Variants in KCNK16 observed in about 807,000 individuals in gnomAD.
KCNK16 encodes potassium channel subfamily K member 16.
A neutral mutation model predicts 23.0 loss-of-function variants in KCNK16; 23 were observed. That is an observed-to-expected ratio of 1.00 (90% CI 0.72 to 1.41). The LOEUF is 1.41. KCNK16 is among the 40% of genes most tolerant of loss of function. The pLI is 0.00. For missense variants in KCNK16, 327 were observed against 365.8 expected (o/e 0.89, Z 0.87); for synonymous variants, 145 against 153.5 (o/e 0.94, Z 0.41).
chr6:39,316,948 C>G lies in KCNK16; in HGVS notation c.496-1G>C. Reference sequence around the variant, plus strand: ...GAGCCAGGCCCAGGACTTGCAGTACCTAGGAGGGAGGGAGTTGGCCTCTGA... The same window carrying G: ...GAGCCAGGCCCAGGACTTGCAGTACGTAGGAGGGAGGGAGTTGGCCTCTGA... On this transcript the variant is annotated splice_acceptor_variant, in intron 3 of 4. Coordinates refer to ENST00000437525, the MANE Select transcript of KCNK16 (RefSeq NM_001135106.2). LOFTEE classifies it high-confidence loss of function. 6.2e-7 allele frequency: 1 copy of G among 1,608,922 alleles called. No homozygotes were observed. The highest frequency in any genetic ancestry group is 1.1e-5 in the South Asian group (1 of 90,546).
intron 1 of KCNK16, among the ~76,000 whole-genome samples, chr6:39,320,148 C>T (rs1366369160): frequency 2.0e-5 from 3 of 152,300 alleles, no homozygotes; most frequent in Admixed American, 6.5e-5. Context: ...GGTGGGTGTG[C>T]TTAGATCAGG....
At position 39,319,054 on chromosome 6, in the gene KCNK16, C is replaced by T. The variant is rs770709185; in HGVS notation, c.293G>A (p.Ser98Asn). 6.2e-7 allele frequency: 1 copy of T among 1,614,102 alleles called. No individual in the cohort carries two copies. Among genetic ancestry groups the T allele is most frequent in the Non-Finnish European group, 8.5e-7 (1 of 1,179,978 alleles). ...TNPSNWDFGS[S>N]FFFAGTVVTT... ...GACGACTGTGCCTGCAAAGAAGAAA[C>T]TGCTGCCAAAGTCCCAGTTGCTGGG... Residue 98 changes from serine (S) to asparagine (N), a missense_variant, in exon 2 of 5, where the codon AGT (serine) becomes AAT (asparagine). Transcript: ENST00000437525. This position sits in a 1 kb window ranked among gnomAD's most constrained non-coding sequence, Gnocchi z 4.2.
chr6:39,322,509 C>A lies in KCNK16; in HGVS notation c.32G>T (p.Gly11Val). 8 of 1,609,862 alleles carry A rather than the reference C, an allele frequency of 5.0e-6. No homozygotes were observed. Among genetic ancestry groups the A allele is most frequent in the Non-Finnish European group, 6.8e-6 (8 of 1,179,020 alleles). The change falls in exon 1 of 5, where the codon GGT becomes GTT. Residue 11 changes from glycine to valine, a missense_variant. Transcript: ENST00000437525. ...CAGCAGCAGGGGCAGCACCCGGCCA[C>A]CCCAGCAGCTGCAGAGCCCAGCACT... MPSAGLCSCWGGRVLPLLLAY... is the reference protein window; with the variant it reads MPSAGLCSCWVGRVLPLLLAY...
Position 39,317,859 on chromosome 6 carries a change from T to G in KCNK16, c.422A>C (p.Asn141Thr), listed in dbSNP as rs1225673098. 6.2e-7 allele frequency: 1 copy of G among 1,613,692 alleles called. No individual in the cohort carries two copies. Among genetic ancestry groups the G allele is most frequent in the Non-Finnish European group, 8.5e-7 (1 of 1,179,888 alleles). Residue 141 changes from asparagine to threonine, a missense_variant, in exon 3 of 5, where the codon AAC becomes ACC. By Grantham distance (65) the Asn-to-Thr change is moderately conservative (BLOSUM62 0). Transcript: ENST00000437525. ...GGCACGCAGCCCTGTGCCCAGGTGG[T>G]TGAGGAAGATCACGTTAAGCGGGAT... The part of the protein sequence containing the change: ...LGIPLNVIFL[N>T]HLGTGLRAHL...
downstream of KCNK16, chr6:39,315,202 C>T: frequency 6.2e-7 from 1 of 1,614,178 alleles, no homozygotes; most frequent in Non-Finnish European, 8.5e-7. Context: ...GCCAAAATTT[C>T]CAGGCCCCGG....
At chr6:39,315,930 G>C (rs1379556687), downstream of KCNK16, among the ~76,000 whole-genome samples, 2 of 152,224 alleles carry the variant, frequency 1.3e-5, no homozygotes, top group Non-Finnish European at 2.9e-5. Flanking sequence ...GGGGCATGGG[G>C]AGGGCAGTGG....
At chr6:39,317,228 A>G (rs1157093525) in intron 3 of KCNK16, among the ~76,000 whole-genome samples, 1 of 152,208 alleles carries the variant, frequency 6.6e-6, no homozygotes, top group African/African-American at 2.4e-5. Flanking sequence ...GGGGACTCAG[A>G]TCTGGAACAG....
rs180730261 is a variant in KCNK16, at chr6:39,319,176, G to T, written c.214-43C>A. On this transcript the variant is annotated intron_variant, in intron 1 of 4. Coordinates refer to ENST00000437525, the MANE Select transcript of KCNK16 (RefSeq NM_001135106.2). This position sits in a 1 kb window ranked among gnomAD's most constrained non-coding sequence, Gnocchi z 4.2. ...GCAGGGGAGGAAGAAGGAGCTGATGGTTACTGGGCACCAGTTGTTGCCATG... is the reference window on the plus strand; with the variant it reads ...GCAGGGGAGGAAGAAGGAGCTGATGTTTACTGGGCACCAGTTGTTGCCATG... 6.3e-3 allele frequency: 7,282 copies of T among 1,149,318 alleles called. 194 individuals carry two copies. In the African/African-American group the frequency reaches 0.069, roughly 11 times the overall value. 71.2% of individuals were successfully genotyped at this position (1,149,318 alleles called of 1,614,324 possible).
chr6:39,316,725 C>T (rs536668094), intron 4 of KCNK16, 57 bp downstream of exon 4: 2 of 1,564,966 alleles, frequency 1.3e-6, no homozygotes, highest in African/African-American at 1.4e-5. Context: ...ATCTCTCCAT[C>T]CCCCAAATCC....
Position 39,319,570 on chromosome 6 carries a change from G to A in KCNK16, c.214-437C>T, listed in dbSNP as rs1201575650. Among the ~76,000 whole-genome samples, 3 of 152,118 alleles carry A rather than the reference G, an allele frequency of 2.0e-5. No individual in the cohort carries two copies. The highest frequency in any genetic ancestry group is 2.1e-4 in the South Asian group (1 of 4,828). ...ATTGCTGGGGAACACAGGGTTTAGG[G>A]ACCACAGGGAAGCCATGGGCTGCCT... On this transcript the variant is annotated intron_variant, in intron 1 of 4. Coordinates refer to ENST00000437525, the MANE Select transcript of KCNK16 (RefSeq NM_001135106.2). This position sits in a 1 kb window ranked among gnomAD's most constrained non-coding sequence, Gnocchi z 4.2.
At chr6:39,314,731 G>A (rs1477717502), downstream of KCNK16, 2 of 470,960 alleles carry the variant, frequency 4.2e-6, no homozygotes, top group African/African-American at 3.9e-5. Flanking sequence ...TATTGTCTTG[G>A]GGCCCCTGCC....
In KCNK16 at chr6:39,316,988, C is replaced by T. The variant is rs1355814020; in HGVS notation, c.496-41G>A. On this transcript the variant is annotated intron_variant, in intron 3 of 4. Transcript: ENST00000437525. The stretch of plus-strand genomic sequence containing the variant: ...TTGGCCTCTGAGTCCACTTGAAAGT[C>T]TCCAGGATTGTATGAGGTTGGGGGG... 3 of 1,580,610 alleles carry T rather than the reference C, an allele frequency of 1.9e-6. No individual in the cohort carries two copies. In the South Asian group the frequency reaches 3.4e-5, roughly 18 times the overall value.
chr6:39,322,622 G>A lies in KCNK16; in HGVS notation c.-82C>T. On this transcript the variant is annotated 5_prime_UTR_variant, in exon 1 of 5. Coordinates refer to ENST00000437525, the MANE Select transcript of KCNK16 (RefSeq NM_001135106.2). ...ACAGGTGAGGAGTAAGCACCTAGGGGCCTGTGCCCAGGCTGCCGCCTGCCC... is the reference window on the plus strand; with the variant it reads ...ACAGGTGAGGAGTAAGCACCTAGGGACCTGTGCCCAGGCTGCCGCCTGCCC... 6.7e-7 allele frequency: 1 copy of A among 1,486,956 alleles called. No individual in the cohort carries two copies. Among genetic ancestry groups the A allele is most frequent in the Non-Finnish European group, 8.9e-7 (1 of 1,122,156 alleles). 92.1% of individuals were successfully genotyped at this position (1,486,956 alleles called of 1,614,324 possible).
At chr6:39,317,539 T>C (rs1473985060) in intron 3 of KCNK16, among the ~76,000 whole-genome samples, 2 of 152,188 alleles carry the variant, frequency 1.3e-5, no homozygotes, top group Non-Finnish European at 2.9e-5. Context: ...CCTGGCTGGT[T>C]CCGCCCACTG....
chr6:39,319,302 G>C lies in KCNK16; in HGVS notation c.214-169C>G, dbSNP rs1305232711. On this transcript the variant is annotated intron_variant, in intron 1 of 4. Transcript: ENST00000437525. The surrounding 1 kb of genome is among the most constrained non-coding windows in gnomAD (Gnocchi z 4.2). ...GGAAATGAAGACTCAGAGTGGCTAA[G>C]TGACCTGTGCAAGGTGACTGGACTC... Among the ~76,000 whole-genome samples the C allele has an allele frequency of 6.6e-6, 1 of 152,220 alleles. No individual in the cohort carries two copies. Among genetic ancestry groups the C allele is most frequent in the Non-Finnish European group, 1.5e-5 (1 of 68,046 alleles).
Position 39,316,374 on chromosome 6 carries a change from G to C in KCNK16, c.730C>G (p.Leu244Val), listed in dbSNP as rs764383792. ...SLAAIWILLG[L>V]AWLALILPLG... ...GGGAGGATCAGCGCCAGCCACGCCAGGCCCAGGAGGATCCAGATGGCTGCC... is the reference window on the plus strand; with the variant it reads ...GGGAGGATCAGCGCCAGCCACGCCACGCCCAGGAGGATCCAGATGGCTGCC... The change falls in exon 5 of 5, where the codon CTG becomes GTG. Residue 244 changes from leucine to valine, a missense_variant. Leu to Val is a conservative substitution (Grantham distance 32, BLOSUM62 1). Transcript: ENST00000437525. 6.2e-7 allele frequency: 1 copy of C among 1,612,982 alleles called. No individual in the cohort carries two copies. The highest frequency in any genetic ancestry group is 8.5e-7 in the Non-Finnish European group (1 of 1,179,636).
chr6:39,317,362 T>C (rs555780925), intron 3 of KCNK16, among the ~76,000 whole-genome samples: 1 of 152,308 alleles, frequency 6.6e-6, no homozygotes, highest in Non-Finnish European at 1.5e-5. Flanking sequence ...ATGTTGGAGT[T>C]CTGTGATGAC....
downstream of KCNK16, chr6:39,316,043 C>G (rs1374052939): frequency 1.1e-6 from 1 of 941,448 alleles, no homozygotes. Flanking sequence ...CACGTCTCCT[C>G]TCTGTTACTT....
chr6:39,316,968 C>T lies in KCNK16; in HGVS notation c.496-21G>A, dbSNP rs9471068. ...AGTACCTAGGAGGGAGGGAGTTGGC[C>T]TCTGAGTCCACTTGAAAGTCTCCAG... On this transcript the variant is annotated intron_variant, in intron 3 of 4. Transcript: ENST00000437525. The T allele has an allele frequency of 5.0e-3, 7,943 of 1,597,048 alleles. 167 individuals carry two copies. In the African/African-American group the frequency reaches 0.061, roughly 12 times the overall value.
Sources: gnomAD v4.1 joint callset for allele counts (sites outside exome capture counted in the v4.1 genomes callset) on GRCh38, gnomAD v4.1.1 for gene constraint, Gnocchi (gnomAD v3.1) non-coding constraint, MANE v1.5 for transcripts, NCBI Gene and HGNC (gene_info 2026-07-23, HGNC 2026-07-21) for gene names.